Variants in PCDH15 observed in about 807,000 individuals in gnomAD.
PCDH15 encodes protocadherin-15.
Under a neutral mutation model 178.5 loss-of-function variants are expected in PCDH15, and 129 were observed. The ratio of observed to expected loss-of-function variants is 0.72; its 90% confidence interval spans 0.63 to 0.84. The LOEUF is 0.84. Among genes scored for constraint, PCDH15 ranks in the 40% least tolerant of loss-of-function variants. The probability of loss-of-function intolerance (pLI) is 0.00; values close to 1 mark genes in which losing one functional copy is unlikely to be tolerated. For synonymous variants in PCDH15, 800 were observed against 732.0 expected, an observed-to-expected ratio of 1.09 and a Z score of -1.50; for missense variants, 2,230 against 2,099.9, an observed-to-expected ratio of 1.06 and a Z score of -1.21.
At chr10:55,059,539 TGAAC>T (rs1355485855) in intron 2 of PCDH15, among the ~76,000 whole-genome samples, 1 of 152,150 alleles carries the variant, frequency 6.6e-6, no homozygotes, top group Non-Finnish European at 1.5e-5. Flanking sequence ...GTAACTCAGA[TGAAC>T]AATAGATAAA....
chr10:54,922,055 C>T (rs1427558444), intron 2 of PCDH15, among the ~76,000 whole-genome samples: 1 of 152,176 alleles, frequency 6.6e-6, no homozygotes, highest in African/African-American at 2.4e-5. Flanking sequence ...CCAGCAGGCT[C>T]CGCCTCCAAC....
At chr10:53,809,993 G>A (rs2075807530) in intron 37 of PCDH15, among the ~76,000 whole-genome samples, 1 of 151,818 alleles carries the variant, frequency 6.6e-6, no homozygotes, top group Non-Finnish European at 1.5e-5. Flanking sequence ...TTTTGCACAT[G>A]TTAAAGCCAC....
chr10:55,387,680 C>T (rs750074061), intron 2 of PCDH15, among the ~76,000 whole-genome samples: 1 of 151,992 alleles, frequency 6.6e-6, no homozygotes, highest in Non-Finnish European at 1.5e-5. Flanking sequence ...ACTTTAAGAG[C>T]CAAATTTCCA....
At position 55,600,862 on chromosome 10, in the gene PCDH15, T is replaced by A. The variant is rs936719513; in HGVS notation, c.-156+26763A>T. Among the ~76,000 whole-genome samples, 6 of 152,184 alleles carry A rather than the reference T, an allele frequency of 3.9e-5. No individual in the cohort carries two copies. The South Asian group carries it at 8.3e-4, about 21-fold the overall frequency. On this transcript the variant is annotated intron_variant, in intron 2 of 5. Transcript: ENST00000613346. ...AAGCTGCATTGCCCTTCTCCTTTTT[T>A]AAAATTTTTTAAATTAATTTATTTA...
At chr10:54,082,628 A>T (rs2135976992) in intron 16 of PCDH15, among the ~76,000 whole-genome samples, 1 of 152,264 alleles carries the variant, frequency 6.6e-6, no homozygotes, top group African/African-American at 2.4e-5. Context: ...AAGAATTGAA[A>T]CCTGTAAACA....
rs535477205 is a variant in PCDH15 at position 53,822,379 on chromosome 10, G to T, written c.4368-2149C>A. 16 of 1,572,332 alleles carry T rather than the reference G, an allele frequency of 1.0e-5. No individual in the cohort carries two copies. The South Asian group carries it at 1.1e-4, about 11-fold the overall frequency. ...GGAAGAGGAAGAGGGATAGAAGGAG[G>T]AGAGGGAGGAGGACAAAAAAGAGAA... On this transcript the variant is annotated intron_variant, in intron 32 of 37. Transcript: ENST00000644397.
At chr10:54,043,046 T>A (rs2093582480) in intron 18 of PCDH15, among the ~76,000 whole-genome samples, 1 of 152,066 alleles carries the variant, frequency 6.6e-6, no homozygotes, top group South Asian at 2.1e-4. Flanking sequence ...TGTACAGGAG[T>A]TCAGAGTAAG....
intron 1 of PCDH15, among the ~76,000 whole-genome samples, chr10:54,727,199 G>A (rs117236440): frequency 0.12 from 18,367 of 150,852 alleles, 1,231 homozygotes; most frequent in African/African-American, 0.17. Context: ...TTTCCATGAA[G>A]CAATTCTCAA....
chr10:54,622,668 TTA>T (rs1255092636), intron 2 of PCDH15, among the ~76,000 whole-genome samples: 10 of 89,646 alleles, frequency 1.1e-4, no homozygotes, highest in Admixed American at 5.5e-4. Flanking sequence ...ATAATATATA[TTA>T]TATATAATAT....
At chr10:54,055,366 A>T (rs2093863482) in intron 18 of PCDH15, among the ~76,000 whole-genome samples, 1 of 152,168 alleles carries the variant, frequency 6.6e-6, no homozygotes, top group Non-Finnish European at 1.5e-5. Context: ...TCAGTAGAAA[A>T]ATTTATACAA....
At chr10:54,256,743 T>A (rs2056925832) in intron 8 of PCDH15, among the ~76,000 whole-genome samples, 2 of 152,246 alleles carry the variant, frequency 1.3e-5, no homozygotes, top group East Asian at 1.9e-4. Flanking sequence ...CTTTTCCAGG[T>A]TTTTCATTGG....
chr10:55,252,171 T>C (rs776342223), intron 1 of PCDH15, among the ~76,000 whole-genome samples: 1 of 152,168 alleles, frequency 6.6e-6, no homozygotes, highest in Non-Finnish European at 1.5e-5. Flanking sequence ...CTTGGTAGCA[T>C]TTCCTCTCCT....
intron 3 of PCDH15, among the ~76,000 whole-genome samples, chr10:54,394,689 C>T (rs1204735079): frequency 6.6e-6 from 1 of 152,026 alleles, no homozygotes; most frequent in Admixed American, 6.6e-5. Flanking sequence ...ACTGGTCTGA[C>T]CAAAATTTAT....
At chr10:55,267,969 T>A (rs1209221874) in intron 1 of PCDH15, among the ~76,000 whole-genome samples, 2 of 119,290 alleles carry the variant, frequency 1.7e-5, no homozygotes, top group African/African-American at 5.1e-5. Context: ...AGTTTAATCC[T>A]TTTTATTGTG....
intron 2 of PCDH15, among the ~76,000 whole-genome samples, chr10:55,139,145 A>C (rs1838280956): frequency 6.6e-6 from 1 of 151,546 alleles, no homozygotes; most frequent in Non-Finnish European, 1.5e-5. Context: ...CTCCTTATAT[A>C]TTTTGCTTTT....
chr10:53,891,118 A>G (rs553189408), intron 26 of PCDH15, among the ~76,000 whole-genome samples: 1 of 148,570 alleles, frequency 6.7e-6, no homozygotes, highest in African/African-American at 2.5e-5. Context: ...CGTGTTATAG[A>G]TCTCCTGTGT....
chr10:54,753,512 C>A (rs1009651836), intron 1 of PCDH15, among the ~76,000 whole-genome samples: 29 of 151,606 alleles, frequency 1.9e-4, no homozygotes, highest in African/African-American at 3.4e-4. Flanking sequence ...AACAAACAAA[C>A]AAAAAAAAAA....
chr10:54,678,632 T>C (rs1321697917), intron 1 of PCDH15, among the ~76,000 whole-genome samples: 1 of 152,178 alleles, frequency 6.6e-6, no homozygotes, highest in East Asian at 1.9e-4. Flanking sequence ...TAATTTTTAA[T>C]ACATTGAATT....
At chr10:54,854,528 C>A (rs1354368051) in intron 3 of PCDH15, among the ~76,000 whole-genome samples, 1 of 152,136 alleles carries the variant, frequency 6.6e-6, no homozygotes, top group Admixed American at 6.5e-5. Context: ...AGGGGGAGCT[C>A]CTTTCTGCAG....
Sources: allele counts gnomAD v4.1 joint callset (sites outside exome capture counted in the v4.1 genomes callset), GRCh38; gene constraint gnomAD v4.1.1; transcripts MANE v1.5; gene names NCBI Gene and HGNC (gene_info 2026-07-23, HGNC 2026-07-21).